The following LIPA variants were observed in gnomAD, a reference collection of about 807,000 sequenced individuals.
LIPA encodes the protein lipase A, lysosomal acid type, also known as lysosomal acid lipase/cholesteryl ester hydrolase.
LIPA carries 26 observed loss-of-function variants against 40.6 expected under a neutral mutation model. The ratio of observed to expected loss-of-function variants is 0.64; its 90% CI spans 0.47 to 0.89. LIPA has a LOEUF of 0.89. Ranked by LOEUF, LIPA falls within the 40% of genes least tolerant of loss-of-function variation. The probability of loss-of-function intolerance (pLI) is 0.00; values close to 1 mark genes in which losing one functional copy is unlikely to be tolerated. For synonymous variants in LIPA, 188 were observed against 168.4 expected (o/e 1.12, Z -0.90); for missense variants, 455 against 479.6 (o/e 0.95, Z 0.48).
intron 2 of LIPA, among the ~76,000 whole-genome samples, chr10:89,362,071 T>C (rs748355235): frequency 6.6e-6 from 1 of 151,716 alleles, no homozygotes; most frequent in Non-Finnish European, 1.5e-5. Flanking sequence ...AGATAAATTT[T>C]TTTTGCATTT....
rs769610012 is a variant in LIPA at position 89,215,007 on chromosome 10, T to C, written c.1021A>G (p.Ser341Gly). Residue 341 changes from serine to glycine, a missense_variant, in exon 10 of 10, where the codon AGC (serine) becomes GGC (glycine). Transcript: ENST00000336233. The part of the protein sequence containing the change: ...KDMLVPTAVW[S>G]GGHDWLADVY... ...TCTGCAAGCCAGTCGTGACCCCCGCTCCAGACTGCAGTCGGCACAAGCATG... is the reference window on the plus strand; with the variant it reads ...TCTGCAAGCCAGTCGTGACCCCCGCCCCAGACTGCAGTCGGCACAAGCATG... 2.5e-6 allele frequency: 4 copies of C among 1,614,182 alleles called. No homozygotes were observed. The Admixed American group carries it at 6.7e-5, about 27-fold the overall frequency.
intron 1 of LIPA, chr10:89,339,625 A>C (rs778736656): frequency 1.4e-5 from 22 of 1,614,104 alleles, no homozygotes; most frequent in Non-Finnish European, 1.8e-5. Flanking sequence ...AGCTCTTGAG[A>C]AGGGACTGAA....
At position 89,257,477 on chromosome 10, in the gene LIPA, C is replaced by A. The variant is rs76309010; in HGVS notation, c.-1-9828G>T. ...ATACTAATAGCAGTTCTGCTTCCAG[C>A]AAAGATAGAGTAACAATGACCTGGT... On this transcript the variant is annotated intron_variant, in intron 1 of 5. Coordinates refer to the LIPA transcript ENST00000282673. 4.0e-3 allele frequency among the ~76,000 whole-genome samples: 616 copies of A among 152,180 alleles called. 5 individuals are homozygous for A. Among genetic ancestry groups the A allele is most frequent in the East Asian group, 0.024 (123 of 5,180 alleles).
chr10:89,365,626 T>C (rs574425670), intron 2 of LIPA, among the ~76,000 whole-genome samples: 2,679 of 152,216 alleles, frequency 0.018, 38 homozygotes, highest in African/African-American at 0.043. Context: ...TTAATTTTTG[T>C]ATAAGGTGTA....
rs1207147276 is a variant in LIPA at position 89,213,902 on chromosome 10, T to A, written c.*926A>T. 6.6e-6 allele frequency: 1 copy of A among 152,182 alleles called. No individual in the cohort carries two copies. The highest frequency in any genetic ancestry group is 1.5e-5 in the Non-Finnish European group (1 of 68,028). The allele number at this position is 152,182 out of a possible 1,614,324, so 9.4% of individuals were successfully genotyped here. A position where few individuals can be genotyped will look rare whatever the true frequency, so the allele number is the denominator to read the frequency against. On this transcript the variant is annotated 3_prime_UTR_variant, in exon 10 of 10. Coordinates refer to ENST00000336233, the MANE Select transcript of LIPA (RefSeq NM_000235.4). ...CCGAAAACATCACGTTCACACTTCATTTGGGTGAAAATGAACAAGGACACT... is the reference window on the plus strand; with the variant it reads ...CCGAAAACATCACGTTCACACTTCAATTGGGTGAAAATGAACAAGGACACT...
chr10:89,369,871 T>C (rs549790374), intron 2 of LIPA, among the ~76,000 whole-genome samples: 1 of 152,332 alleles, frequency 6.6e-6, no homozygotes, highest in Non-Finnish European at 1.5e-5. Flanking sequence ...ATGCATACTA[T>C]ATTCCCCACA....
rs1842597443 is a variant in LIPA, at chr10:89,214,712, G to C, written c.*116C>G. The C allele has an allele frequency of 1.5e-6, 1 of 686,930 alleles. No individual in the cohort carries two copies. Among genetic ancestry groups the C allele is most frequent in the African/African-American group, 1.8e-5 (1 of 55,252 alleles). The allele number at this position is 686,930 out of a possible 1,614,324, so 42.6% of individuals were successfully genotyped here. ...CATCTTCAAAGTTATCATTTTCTTG[G>C]ATATAAAAAAACAAAAGACCTGGGA... On this transcript the variant is annotated 3_prime_UTR_variant, in exon 10 of 10. Coordinates refer to ENST00000336233, the MANE Select transcript of LIPA (RefSeq NM_000235.4).
At chr10:89,269,463 T>C (rs1843254384) in intron 1 of LIPA, among the ~76,000 whole-genome samples, 1 of 152,212 alleles carries the variant, frequency 6.6e-6, no homozygotes, top group Admixed American at 6.5e-5. Flanking sequence ...TAAGGATTTT[T>C]TTTTTGCTCT....
At chr10:89,263,830 A>C (rs1361281432) in intron 1 of LIPA, among the ~76,000 whole-genome samples, 3 of 152,314 alleles carry the variant, frequency 2.0e-5, no homozygotes, top group African/African-American at 7.2e-5. Context: ...GTGCATAAGC[A>C]AGTGAGTGTG....
At chr10:89,339,158 A>G (rs1843802546) in intron 1 of LIPA, 1 of 1,614,178 alleles carries the variant, frequency 6.2e-7, no homozygotes, top group Admixed American at 1.7e-5. Flanking sequence ...GAAAAGCCCA[A>G]CAACCCAGAA....
chr10:89,413,356 T>A (rs939898232), intron 1 of LIPA, among the ~76,000 whole-genome samples: 1 of 152,102 alleles, frequency 6.6e-6, no homozygotes, highest in Non-Finnish European at 1.5e-5. Flanking sequence ...TTGCTTTAAA[T>A]GAGGCACTCG....
intron 1 of LIPA, among the ~76,000 whole-genome samples, chr10:89,329,359 T>A (rs1311130643): frequency 6.6e-6 from 1 of 152,082 alleles, no homozygotes; most frequent in Non-Finnish European, 1.5e-5. Context: ...TCTGTGTGAG[T>A]GGGATTGACC....
At chr10:89,342,015 G>A (rs371563188) in intron 1 of LIPA, among the ~76,000 whole-genome samples, 11 of 152,088 alleles carry the variant, frequency 7.2e-5, no homozygotes, top group African/African-American at 1.9e-4. Context: ...TGATTTAGCC[G>A]TTCCACAATG....
chr10:89,248,155 G>A (rs940892308), intron 1 of LIPA, among the ~76,000 whole-genome samples: 2 of 148,130 alleles, frequency 1.4e-5, no homozygotes, highest in Admixed American at 6.7e-5. Flanking sequence ...GTGAGCCACC[G>A]CGCCTGCCCA....
At position 89,225,169 on chromosome 10, in the gene LIPA, G is replaced by C. The variant is rs1842752201; in HGVS notation, c.598C>G (p.Leu200Val). ...LAKRIKMFFALGPVASVAFCT... is the reference protein window; with the variant it reads ...LAKRIKMFFAVGPVASVAFCT... ...AAGGCGACGGAAGCCACAGGACCCA[G>C]GGCAAAAAACATTTTAATCCTTTTA... The change falls in exon 6 of 10, where the codon CTG becomes GTG. Residue 200 changes from leucine (L) to valine (V), a missense_variant. Leu to Val is a conservative substitution (Grantham distance 32). Coordinates refer to ENST00000336233, the MANE Select transcript of LIPA (RefSeq NM_000235.4). The C allele has an allele frequency of 3.1e-6, 5 of 1,613,956 alleles. No homozygotes were observed. In the African/African-American group the frequency reaches 6.7e-5, roughly 22 times the overall value.
intron 1 of LIPA, among the ~76,000 whole-genome samples, chr10:89,324,955 A>G (rs1271711902): frequency 6.6e-6 from 1 of 152,206 alleles, no homozygotes; most frequent in East Asian, 1.9e-4. Context: ...GCTATTGCAA[A>G]TAGTGCCGCA....
At chr10:89,403,869 T>C (rs1844484922) in intron 2 of LIPA, 1 of 571,880 alleles carries the variant, frequency 1.7e-6, no homozygotes, top group Non-Finnish European at 3.0e-6. Flanking sequence ...TGTTCAACAA[T>C]TAGTGAAACA....
intron 2 of LIPA, chr10:89,384,780 A>G: frequency 7.0e-7 from 1 of 1,418,632 alleles, no homozygotes; most frequent in East Asian, 2.3e-5. Context: ...TTATAACTAA[A>G]TAGAATGACT....
At chr10:89,402,399 C>A (rs775028083) in intron 2 of LIPA, 47 of 1,613,872 alleles carry the variant, frequency 2.9e-5, no homozygotes, top group Non-Finnish European at 3.8e-5. Flanking sequence ...AGTCTTGGAT[C>A]AGATTGAATT....
Sources: allele counts gnomAD v4.1 joint callset (sites outside exome capture counted in the v4.1 genomes callset), GRCh38; gene constraint gnomAD v4.1.1; transcripts MANE v1.5; gene names NCBI Gene and HGNC (gene_info 2026-07-23, HGNC 2026-07-21).